Variants in IPCEF1 observed in about 807,000 individuals in gnomAD.
IPCEF1 encodes the protein interactor protein for cytohesin exchange factors 1.
Under a neutral mutation model 50.9 loss-of-function variants are expected in IPCEF1, and 31 were observed. The ratio of observed to expected loss-of-function variants is 0.61; its 90% CI spans 0.46 to 0.82. The LOEUF is 0.82. IPCEF1 is among the 40% of genes least tolerant of loss of function. IPCEF1 has a pLI of 0.00. For synonymous variants in IPCEF1, 181 were observed against 192.0 expected, an observed-to-expected ratio of 0.94 and a Z score of 0.47; for missense variants, 458 against 514.0, an observed-to-expected ratio of 0.89 and a Z score of 1.05.
chr6:154,192,240 C>T (rs957893843), intron 10 of IPCEF1, among the ~76,000 whole-genome samples: 1 of 152,044 alleles, frequency 6.6e-6, no homozygotes, highest in Admixed American at 6.6e-5. Context: ...TGGGTGAGCA[C>T]TCTCAATACC....
At chr6:154,187,302 C>G (rs1801469804) in intron 10 of IPCEF1, among the ~76,000 whole-genome samples, 1 of 152,144 alleles carries the variant, frequency 6.6e-6, no homozygotes, top group East Asian at 1.9e-4. Flanking sequence ...GTAAAAAAAG[C>G]ATGGCTTTTA....
chr6:154,271,202 A>T lies in IPCEF1; in HGVS notation c.-17-5238T>A, dbSNP rs75180104. On this transcript the variant is annotated intron_variant, in intron 2 of 11. Transcript: ENST00000367220. Reference sequence around the variant, plus strand: ...AGCAAGACCCCATCTCTACAAAAAAAAAATAAATAAATAAGAAAAATCAGC... The same window carrying T: ...AGCAAGACCCCATCTCTACAAAAAATAAATAAATAAATAAGAAAAATCAGC... Among the ~76,000 whole-genome samples the T allele has an allele frequency of 7.9e-3, 1,197 of 151,400 alleles. 10 individuals carry two copies. Among genetic ancestry groups the T allele is most frequent in the African/African-American group, 0.023 (964 of 41,192 alleles).
chr6:154,311,448 T>C (rs780319902), intron 1 of IPCEF1, among the ~76,000 whole-genome samples: 8 of 152,218 alleles, frequency 5.3e-5, no homozygotes, highest in Non-Finnish European at 1.0e-4. Context: ...CCAATGCTAA[T>C]GGCAACCAAA....
At chr6:154,294,973 C>T (rs990183306) in intron 1 of IPCEF1, among the ~76,000 whole-genome samples, 1 of 150,290 alleles carries the variant, frequency 6.7e-6, no homozygotes, top group African/African-American at 2.4e-5. Context: ...CCAAGGCGGG[C>T]ACATTATGAG....
intron 3 of IPCEF1, among the ~76,000 whole-genome samples, chr6:154,253,142 C>G (rs113707016): frequency 6.6e-6 from 1 of 152,052 alleles, no homozygotes; most frequent in Non-Finnish European, 1.5e-5. Flanking sequence ...CCCTCTCATT[C>G]TCCTCACATT....
At chr6:154,313,729 G>C (rs545233382) in intron 1 of IPCEF1, among the ~76,000 whole-genome samples, 2 of 152,026 alleles carry the variant, frequency 1.3e-5, no homozygotes, top group South Asian at 2.1e-4. Context: ...TTCATCTTCT[G>C]GTTCTTTTTT....
intron 1 of IPCEF1, among the ~76,000 whole-genome samples, chr6:154,352,743 C>T (rs892095626): frequency 3.9e-5 from 6 of 152,174 alleles, no homozygotes; most frequent in East Asian, 3.8e-4. Flanking sequence ...CCCTGTGAGA[C>T]GGCAGGGCCA....
chr6:154,312,599 G>A (rs1428474696), intron 1 of IPCEF1, among the ~76,000 whole-genome samples: 1 of 152,074 alleles, frequency 6.6e-6, no homozygotes, highest in Non-Finnish European at 1.5e-5. Context: ...GCCCGCCTCA[G>A]CCTCCCAAAG....
chr6:154,299,588 T>C (rs1169792588), intron 1 of IPCEF1, among the ~76,000 whole-genome samples: 1 of 139,468 alleles, frequency 7.2e-6, no homozygotes, highest in Non-Finnish European at 1.6e-5. Flanking sequence ...ACACACTGAC[T>C]AGGGCTTCTA....
intron 10 of IPCEF1, among the ~76,000 whole-genome samples, chr6:154,190,922 G>A (rs1801819607): frequency 6.6e-6 from 1 of 152,118 alleles, no homozygotes; most frequent in African/African-American, 2.4e-5. Context: ...TGGGCGTGGT[G>A]GCAGGTACCT....
intron 1 of IPCEF1, among the ~76,000 whole-genome samples, chr6:154,338,263 C>T (rs1366006477): frequency 6.6e-6 from 1 of 152,140 alleles, no homozygotes; most frequent in African/African-American, 2.4e-5. Context: ...TATAGCTAGG[C>T]TTTCTTTATA....
chr6:154,301,591 A>G (rs1298468456), intron 1 of IPCEF1, among the ~76,000 whole-genome samples: 2 of 152,210 alleles, frequency 1.3e-5, no homozygotes, highest in Non-Finnish European at 2.9e-5. Context: ...TACAATAAAC[A>G]GTATTTATAT....
At chr6:154,233,839 C>T (rs1316577632) in intron 5 of IPCEF1, among the ~76,000 whole-genome samples, 1 of 152,180 alleles carries the variant, frequency 6.6e-6, no homozygotes, top group Non-Finnish European at 1.5e-5. Flanking sequence ...ACTCTTTCAC[C>T]TGTGCAGAGG....
chr6:154,280,943 T>C (rs541276958), intron 2 of IPCEF1, among the ~76,000 whole-genome samples: 1 of 152,298 alleles, frequency 6.6e-6, no homozygotes, highest in South Asian at 2.1e-4. Context: ...CTTATACCTG[T>C]AATCCCAACA....
chr6:154,219,182 A>T (rs1199368775), intron 7 of IPCEF1: 1 of 152,222 alleles, frequency 6.6e-6, no homozygotes, highest in Non-Finnish European at 1.5e-5. Flanking sequence ...ACGGATTCAG[A>T]TAAACATGGA....
rs776985277 is a variant in IPCEF1 at position 154,273,704 on chromosome 6, T to TTTTC, written c.-17-7744_-17-7741dup. On this transcript the variant is annotated intron_variant, in intron 2 of 11. Transcript: ENST00000367220. ...CAAATTATTTTAAGCTTTTTTCTTT[T>TTTTC]TTTCTTTCTTTCTTTCTTTCTTTTT... is the stretch of plus-strand genomic sequence containing the variant. Among the ~76,000 whole-genome samples the TTTTC allele has an allele frequency of 3.1e-4, 24 of 77,384 alleles. 1 individual carries two copies. Among genetic ancestry groups the TTTTC allele is most frequent in the African/African-American group, 1.1e-3 (23 of 21,770 alleles). 50.8% of individuals were successfully genotyped at this position (77,384 alleles called of 152,430 possible). A position where few individuals can be genotyped will look rare whatever the true frequency, so the allele number is the denominator to read the frequency against.
intron 1 of IPCEF1, among the ~76,000 whole-genome samples, chr6:154,342,019 T>G (rs560886072): frequency 1.3e-5 from 2 of 152,258 alleles, no homozygotes; most frequent in South Asian, 4.1e-4. Flanking sequence ...GCAACATCCT[T>G]TTCCAAATGA....
intron 1 of IPCEF1, among the ~76,000 whole-genome samples, chr6:154,331,293 G>GAGAA (rs370236600): frequency 0.026 from 3,837 of 147,524 alleles, 69 homozygotes; most frequent in Middle Eastern, 0.035. Flanking sequence ...GAATTTGAGA[G>GAGAA]AGAAAGAAAG....
intron 3 of IPCEF1, among the ~76,000 whole-genome samples, chr6:154,260,120 C>T (rs979061263): frequency 9.2e-5 from 14 of 152,136 alleles, no homozygotes; most frequent in African/African-American, 3.1e-4. Context: ...GTGGCGAATG[C>T]AGAGCTGTCT....
Sources: allele counts gnomAD v4.1 joint callset (sites outside exome capture counted in the v4.1 genomes callset), GRCh38; gene constraint gnomAD v4.1.1; transcripts MANE v1.5; gene names NCBI Gene and HGNC (gene_info 2026-07-23, HGNC 2026-07-21).